CDKAL1: variants seen among roughly 807,000 people sequenced by gnomAD.
The protein encoded by CDKAL1 is CDKAL1 threonylcarbamoyladenosine tRNA methylthiotransferase.
Under a neutral mutation model 68.2 loss-of-function variants are expected in CDKAL1, and 32 were observed. The ratio of observed to expected loss-of-function variants is 0.47; its 90% CI spans 0.35 to 0.63. The LOEUF (loss-of-function observed/expected upper bound fraction) is 0.63, where lower values mean the gene tolerates loss of function less well. Ranked by LOEUF, CDKAL1 falls within the 30% of genes least tolerant of loss-of-function variation. The probability of loss-of-function intolerance (pLI) is 0.00; values close to 1 mark genes in which losing one functional copy is unlikely to be tolerated. For synonymous variants in CDKAL1, 234 were observed against 244.3 expected, an observed-to-expected ratio of 0.96 and a Z score of 0.39; for missense variants, 606 against 696.7, an observed-to-expected ratio of 0.87 and a Z score of 1.47.
chr6:21,099,390 A>G (rs909868933), intron 12 of CDKAL1, among the ~76,000 whole-genome samples: 3 of 152,130 alleles, frequency 2.0e-5, no homozygotes, highest in African/African-American at 7.2e-5. Context: ...TTTGAATTTT[A>G]TATAATTTTT....
chr6:21,181,748 C>T (rs1777798094), intron 13 of CDKAL1, among the ~76,000 whole-genome samples: 1 of 152,146 alleles, frequency 6.6e-6, no homozygotes, highest in African/African-American at 2.4e-5. Flanking sequence ...TACTACAAAG[C>T]AGAGAACTTT....
intron 12 of CDKAL1, among the ~76,000 whole-genome samples, chr6:21,079,097 A>G (rs1380443726): frequency 6.6e-6 from 1 of 152,178 alleles, no homozygotes; most frequent in African/African-American, 2.4e-5. Context: ...CTGGGCACAA[A>G]TAAAACAGGG....
chr6:20,802,115 T>A (rs959331820), intron 8 of CDKAL1, among the ~76,000 whole-genome samples: 9 of 152,016 alleles, frequency 5.9e-5, no homozygotes, highest in African/African-American at 2.2e-4. Context: ...CTGGCCAACA[T>A]GGTGAAACCC....
At chr6:20,994,786 T>G (rs1417188285) in intron 10 of CDKAL1, among the ~76,000 whole-genome samples, 1 of 152,224 alleles carries the variant, frequency 6.6e-6, no homozygotes, top group Non-Finnish European at 1.5e-5. Flanking sequence ...AAATACTTTA[T>G]TGCTAAAAAA....
rs188496852 is a variant in CDKAL1 at position 21,014,104 on chromosome 6, G to A, written c.1055+13732G>A. Among the ~76,000 whole-genome samples, 13 of 152,272 alleles carry A rather than the reference G, an allele frequency of 8.5e-5. No individual in the cohort carries two copies. In the East Asian group the frequency reaches 2.3e-3, roughly 27 times the overall value. On this transcript the variant is annotated intron_variant, in intron 11 of 15. Coordinates refer to ENST00000274695, the MANE Select transcript of CDKAL1 (RefSeq NM_017774.3). ...AGAAGTGTGTGCCCCACCCTACCTT[G>A]AAGGTTACTGTCTTTGAAATTGTAC...
At chr6:20,645,187 A>G (rs1333655719) in intron 4 of CDKAL1, among the ~76,000 whole-genome samples, 1 of 152,184 alleles carries the variant, frequency 6.6e-6, no homozygotes, top group South Asian at 2.1e-4. Context: ...GTGAATGTGA[A>G]GGCCTGGGAC....
intron 12 of CDKAL1, among the ~76,000 whole-genome samples, chr6:21,098,168 C>G (rs187536647): frequency 6.6e-5 from 10 of 152,136 alleles, no homozygotes; most frequent in Admixed American, 2.0e-4. Flanking sequence ...TAGAGCTCGG[C>G]GAATGGATTT....
chr6:20,565,015 C>T (rs926601754), intron 4 of CDKAL1, among the ~76,000 whole-genome samples: 2 of 152,084 alleles, frequency 1.3e-5, no homozygotes, highest in African/African-American at 4.8e-5. Flanking sequence ...GTGGTGAATA[C>T]ACTTCCCATA....
At chr6:20,904,075 A>G (rs1191173412) in intron 9 of CDKAL1, among the ~76,000 whole-genome samples, 3 of 152,174 alleles carry the variant, frequency 2.0e-5, no homozygotes, top group African/African-American at 7.2e-5. Flanking sequence ...CAGCTTGCAC[A>G]ATGTAGGGTG....
chr6:20,677,217 C>T (rs1326619180), intron 5 of CDKAL1, among the ~76,000 whole-genome samples: 1 of 144,824 alleles, frequency 6.9e-6, no homozygotes, highest in African/African-American at 2.6e-5. Context: ...ATTACAGACA[C>T]CTGCCACCAG....
chr6:21,112,265 A>C (rs1315180224), intron 13 of CDKAL1, among the ~76,000 whole-genome samples: 1 of 152,166 alleles, frequency 6.6e-6, no homozygotes, highest in African/African-American at 2.4e-5. Flanking sequence ...TTTAGGGGGA[A>C]ATCTAGGTTT....
intron 4 of CDKAL1, among the ~76,000 whole-genome samples, chr6:20,558,303 G>A (rs1764139083): frequency 6.6e-6 from 1 of 152,172 alleles, no homozygotes; most frequent in Non-Finnish European, 1.5e-5. Context: ...CTTTCTAGGA[G>A]GGGGAGATGG....
At chr6:20,736,612 T>C (rs1385480523) in intron 5 of CDKAL1, among the ~76,000 whole-genome samples, 2 of 151,604 alleles carry the variant, frequency 1.3e-5, no homozygotes, top group Non-Finnish European at 2.9e-5. Context: ...CTACTAAAAA[T>C]ACAAAAAAAA....
chr6:20,978,154 C>T (rs1765932741), intron 10 of CDKAL1, among the ~76,000 whole-genome samples: 1 of 152,158 alleles, frequency 6.6e-6, no homozygotes, highest in Non-Finnish European at 1.5e-5. Flanking sequence ...ATGTGCCTTC[C>T]CAGCTACTAT....
At chr6:21,098,983 A>G (rs1469209826) in intron 12 of CDKAL1, among the ~76,000 whole-genome samples, 1 of 152,160 alleles carries the variant, frequency 6.6e-6, no homozygotes, top group African/African-American at 2.4e-5. Context: ...TTAGTTGACC[A>G]TGCATTATGA....
chr6:20,670,238 G>T (rs543550419), intron 5 of CDKAL1, among the ~76,000 whole-genome samples: 4 of 152,228 alleles, frequency 2.6e-5, no homozygotes, highest in African/African-American at 9.6e-5. Flanking sequence ...AAGTTCACTT[G>T]GGTTAGTTCT....
chr6:20,656,578 A>T (rs1021697540), intron 5 of CDKAL1, among the ~76,000 whole-genome samples: 28 of 152,132 alleles, frequency 1.8e-4, no homozygotes, highest in African/African-American at 6.8e-4. Context: ...ACTGCTACTG[A>T]TACCCCCTAT....
At chr6:20,578,877 T>G (rs1581756369) in intron 4 of CDKAL1, among the ~76,000 whole-genome samples, 1 of 152,194 alleles carries the variant, frequency 6.6e-6, no homozygotes, top group East Asian at 1.9e-4. Flanking sequence ...TCGATGAGCT[T>G]AAATCATGAA....
At chr6:21,122,803 G>GTTTTTTT (rs66935416) in intron 13 of CDKAL1, among the ~76,000 whole-genome samples, 1 of 105,806 alleles carries the variant, frequency 9.5e-6, no homozygotes, top group African/African-American at 3.5e-5. Flanking sequence ...CCCCAGTTAG[G>GTTTTTTT]TTTTTTTTTT....
Sources: allele counts gnomAD v4.1 joint callset (sites outside exome capture counted in the v4.1 genomes callset), GRCh38; gene constraint gnomAD v4.1.1; transcripts MANE v1.5; gene names NCBI Gene and HGNC (gene_info 2026-07-23, HGNC 2026-07-21).